ERC1: variants seen among roughly 807,000 people sequenced by gnomAD.
ERC1 encodes ELKS/RAB6-interacting/CAST family member 1.
Under a neutral mutation model 132.0 loss-of-function variants are expected in ERC1, and 56 were observed. The ratio of observed to expected loss-of-function variants is 0.42; its 90% CI spans 0.34 to 0.53. ERC1 has a LOEUF of 0.53. Among genes scored for constraint, ERC1 ranks in the 20% least tolerant of loss-of-function variants. The pLI is 0.03. For missense variants in ERC1, 1,202 were observed against 1,349.9 expected (o/e 0.89, Z 1.72); for synonymous variants, 478 against 476.1 (o/e 1.00, Z -0.05).
At chr12:1,084,208 A>T (rs1403037281) in intron 3 of ERC1, among the ~76,000 whole-genome samples, 4 of 152,224 alleles carry the variant, frequency 2.6e-5, no homozygotes, top group African/African-American at 4.8e-5. Context: ...TCATTTTAAG[A>T]AGGCGTAAAG....
chr12:1,386,239 A>G (rs1362844187), intron 16 of ERC1, among the ~76,000 whole-genome samples: 1 of 150,194 alleles, frequency 6.7e-6, no homozygotes, highest in African/African-American at 2.4e-5. Flanking sequence ...GGGTTTCACC[A>G]TATTGGCCAG....
intron 14 of ERC1, among the ~76,000 whole-genome samples, chr12:1,287,102 T>A (rs2079088333): frequency 1.3e-5 from 2 of 152,148 alleles, no homozygotes; most frequent in African/African-American, 4.8e-5. Flanking sequence ...TAATAGAAAG[T>A]GCAGAAATAT....
intron 8 of ERC1, among the ~76,000 whole-genome samples, chr12:1,170,477 A>G (rs1299906321): frequency 6.6e-6 from 1 of 152,232 alleles, no homozygotes; most frequent in African/African-American, 2.4e-5. Context: ...AGCCATTCAC[A>G]TCGATGATGT....
chr12:1,101,285 G>T (rs1041535000), intron 3 of ERC1, among the ~76,000 whole-genome samples: 35 of 152,070 alleles, frequency 2.3e-4, no homozygotes, highest in African/African-American at 8.5e-4. Context: ...TAGAGAACTG[G>T]GCTCCGAAGT....
intron 17 of ERC1, among the ~76,000 whole-genome samples, chr12:1,439,090 C>T (rs2093032104): frequency 6.6e-6 from 1 of 152,036 alleles, no homozygotes; most frequent in Admixed American, 6.6e-5. Context: ...TTATGCCTCT[C>T]GGAATGGTTC....
intron 17 of ERC1, among the ~76,000 whole-genome samples, chr12:1,422,253 C>T (rs191420786): frequency 1.4e-3 from 213 of 152,334 alleles, no homozygotes; most frequent in South Asian, 5.8e-3. Flanking sequence ...GAGCTTGTGA[C>T]GTTAGAAGCA....
At chr12:1,410,502 A>C in intron 17 of ERC1, 2 of 906,662 alleles carry the variant, frequency 2.2e-6, no homozygotes, top group Middle Eastern at 2.6e-4. Flanking sequence ...GTTTGTTTTC[A>C]TTTTTCTTTT....
chr12:1,154,356 C>CACACATACCCATGTGTGTTTAT (rs749850201), intron 8 of ERC1, among the ~76,000 whole-genome samples: 10 of 30,836 alleles, frequency 3.2e-4, no homozygotes, highest in African/African-American at 6.6e-4. Context: ...TGTGTTTATA[C>CACACATACCCATGTGTGTTTAT]ACACACACAC....
chr12:1,430,024 G>A (rs146973919), intron 17 of ERC1, among the ~76,000 whole-genome samples: 132 of 152,232 alleles, frequency 8.7e-4, no homozygotes, highest in Non-Finnish European at 1.4e-3. Flanking sequence ...TCTCTCATGG[G>A]ACCGCAATTA....
chr12:1,314,172 A>G (rs1001283245), intron 15 of ERC1, among the ~76,000 whole-genome samples: 5 of 152,148 alleles, frequency 3.3e-5, no homozygotes, highest in South Asian at 2.1e-4. Flanking sequence ...TTCATTTACT[A>G]TAAAGCCTTA....
intron 15 of ERC1, among the ~76,000 whole-genome samples, chr12:1,363,721 G>C (rs1461088189): frequency 6.6e-6 from 1 of 151,408 alleles, no homozygotes; most frequent in Non-Finnish European, 1.5e-5. Flanking sequence ...GGCCCAGCTA[G>C]TTTTTTTTAT....
chr12:1,373,580 G>A (rs1179040665), intron 16 of ERC1, among the ~76,000 whole-genome samples: 1 of 152,214 alleles, frequency 6.6e-6, no homozygotes, highest in Non-Finnish European at 1.5e-5. Context: ...AGGAAATCGA[G>A]ACCATCCTGG....
intron 13 of ERC1, among the ~76,000 whole-genome samples, chr12:1,251,777 A>G (rs191059982): frequency 6.6e-6 from 1 of 152,276 alleles, no homozygotes; most frequent in East Asian, 1.9e-4. Flanking sequence ...TAGCAGTGAA[A>G]TTTATTGAAA....
chr12:1,354,471 C>T (rs1381395957), intron 15 of ERC1, among the ~76,000 whole-genome samples: 6 of 151,612 alleles, frequency 4.0e-5, no homozygotes, highest in Non-Finnish European at 7.4e-5. Context: ...TTCAGTGAGC[C>T]GAGATTGCCC....
At chr12:1,463,699 G>A in intron 18 of ERC1, among the ~76,000 whole-genome samples, 1 of 143,148 alleles carries the variant, frequency 7.0e-6, no homozygotes, top group South Asian at 2.3e-4. Flanking sequence ...TGCTAAGACT[G>A]TGTGTGTGTG....
intron 3 of ERC1, 81 bp from the exon 4 acceptor site, chr12:1,104,669 A>C: frequency 1.1e-6 from 1 of 941,632 alleles, no homozygotes; most frequent in East Asian, 2.4e-5. Context: ...GATCTTTTGC[A>C]TACATCGGCT....
chr12:1,463,315 C>T (rs1277420124), intron 18 of ERC1, among the ~76,000 whole-genome samples: 1 of 152,152 alleles, frequency 6.6e-6, no homozygotes, highest in Non-Finnish European at 1.5e-5. Context: ...TTTTTCCCTC[C>T]TGAACGCGCC....
intron 8 of ERC1, among the ~76,000 whole-genome samples, chr12:1,145,074 T>TGGTGCAATCTCGGCTC (rs1168315603): frequency 1.3e-5 from 2 of 151,770 alleles, no homozygotes; most frequent in Non-Finnish European, 2.9e-5. Flanking sequence ...TGGAGTGAAG[T>TGGTGCAATCTCGGCTC]GGTGCAATCT....
intron 17 of ERC1, among the ~76,000 whole-genome samples, chr12:1,426,409 G>A (rs956265576): frequency 2.4e-4 from 36 of 152,110 alleles, no homozygotes; most frequent in Non-Finnish European, 7.4e-5. Context: ...CCGGCCTTTA[G>A]AACATTCTTT....
Sources: gnomAD v4.1 joint callset for allele counts (sites outside exome capture counted in the v4.1 genomes callset) on GRCh38, gnomAD v4.1.1 for gene constraint, MANE v1.5 for transcripts, NCBI Gene and HGNC (gene_info 2026-07-23, HGNC 2026-07-21) for gene names.